EDIL3: variants seen among roughly 807,000 people sequenced by gnomAD.
EDIL3 encodes the protein EGF like and discoidin domains 3.
Under a neutral mutation model 67.4 loss-of-function variants are expected in EDIL3, and 37 were observed. The ratio of observed to expected loss-of-function variants is 0.55; its 90% confidence interval spans 0.42 to 0.72. The LOEUF (loss-of-function observed/expected upper bound fraction) is 0.72, where lower values mean the gene tolerates loss of function less well. Among genes scored for constraint, EDIL3 ranks in the 30% least tolerant of loss-of-function variants. EDIL3 has a pLI of 0.00. For synonymous variants in EDIL3, 195 were observed against 196.3 expected (o/e 0.99, Z 0.05); for missense variants, 527 against 586.3 (o/e 0.90, Z 1.04).
At chr5:84,143,271 T>C (rs1469599992) in intron 4 of EDIL3, among the ~76,000 whole-genome samples, 1 of 152,080 alleles carries the variant, frequency 6.6e-6, no homozygotes, top group Non-Finnish European at 1.5e-5. Context: ...GAACTCCCTT[T>C]TGATGTGGCT....
chr5:84,248,568 T>G (rs1206053412), intron 2 of EDIL3, among the ~76,000 whole-genome samples: 2 of 152,216 alleles, frequency 1.3e-5, no homozygotes, highest in African/African-American at 4.8e-5. Flanking sequence ...AATAACCATC[T>G]ATGTAATTAT....
At chr5:84,106,488 C>G (rs964451805) in intron 6 of EDIL3, among the ~76,000 whole-genome samples, 161 bp downstream of exon 6, 1 of 152,022 alleles carries the variant, frequency 6.6e-6, no homozygotes. Flanking sequence ...ATGTTTTTTA[C>G]TTCTCAGAAT....
intron 2 of EDIL3, among the ~76,000 whole-genome samples, chr5:84,231,093 G>A (rs756286692): frequency 3.3e-5 from 5 of 152,126 alleles, no homozygotes; most frequent in Non-Finnish European, 7.4e-5. Flanking sequence ...TTGTAGCCAG[G>A]ATTGAGGTAT....
Position 84,015,557 on chromosome 5 carries a change from C to T in EDIL3, c.1137+44743G>A, listed in dbSNP as rs147726797. On this transcript the variant is annotated intron_variant, in intron 9 of 10. Transcript: ENST00000296591. ...AGTTTTGTACAAAAGTGCATATTTC[C>T]TCAACAAAACTCTCAGTATTATATT... is the stretch of plus-strand genomic sequence containing the variant. 2.1e-3 allele frequency among the ~76,000 whole-genome samples: 319 copies of T among 152,008 alleles called. 1 individual carries two copies. Among genetic ancestry groups the T allele is most frequent in the African/African-American group, 7.5e-3 (311 of 41,472 alleles).
At chr5:84,164,893 C>T (rs915416386) in intron 4 of EDIL3, among the ~76,000 whole-genome samples, 1 of 151,926 alleles carries the variant, frequency 6.6e-6, no homozygotes, top group African/African-American at 2.4e-5. Context: ...AGTAGAAATC[C>T]TAGGAGCGTT....
chr5:84,269,897 C>G (rs1387597946), intron 1 of EDIL3, among the ~76,000 whole-genome samples: 1 of 152,140 alleles, frequency 6.6e-6, no homozygotes, highest in Non-Finnish European at 1.5e-5. Context: ...ACTCTTTATA[C>G]AGCAAATGAT....
intron 5 of EDIL3, among the ~76,000 whole-genome samples, chr5:84,109,620 T>A (rs778207758): frequency 6.6e-6 from 1 of 152,232 alleles, no homozygotes; most frequent in Non-Finnish European, 1.5e-5. Context: ...TTGCATGAGC[T>A]ATTTCATTGC....
intron 8 of EDIL3, among the ~76,000 whole-genome samples, chr5:84,061,408 G>GTAA (rs1746539384): frequency 6.6e-6 from 1 of 152,050 alleles, no homozygotes; most frequent in African/African-American, 2.4e-5. Context: ...TACAATTTTT[G>GTAA]TAATAGAAAG....
intron 6 of EDIL3, among the ~76,000 whole-genome samples, chr5:84,086,108 G>C (rs1747064781): frequency 6.6e-6 from 1 of 152,198 alleles, no homozygotes; most frequent in Non-Finnish European, 1.5e-5. Flanking sequence ...CATGGGAGTG[G>C]GACCTGCTGA....
rs1744751790 is a variant in EDIL3, at chr5:83,969,341, C to A, written c.1138-5981G>T. ...GCCACATATCTCTTCATTCCTACAG[C>A]ACAAATTCAAATAATTAAGGCTACT... On this transcript the variant is annotated intron_variant, in intron 9 of 10. Transcript: ENST00000296591. Among the ~76,000 whole-genome samples the A allele has an allele frequency of 2.6e-5, 4 of 151,668 alleles. No homozygotes were observed. In the South Asian group the frequency reaches 8.3e-4, roughly 32 times the overall value.
At chr5:84,370,004 A>G (rs2112210878) in intron 1 of EDIL3, among the ~76,000 whole-genome samples, 1 of 152,316 alleles carries the variant, frequency 6.6e-6, no homozygotes, top group East Asian at 1.9e-4. Flanking sequence ...CCAAACAACG[A>G]TAATTGCCAA....
In EDIL3 at chr5:84,144,681, C is replaced by G. The variant is rs73769743; in HGVS notation, c.356-7327G>C. Among the ~76,000 whole-genome samples the G allele has an allele frequency of 8.3e-3, 1,265 of 152,136 alleles. 19 individuals carry two copies. The highest frequency in any genetic ancestry group is 0.029 in the African/African-American group (1,216 of 41,526). On this transcript the variant is annotated intron_variant, in intron 4 of 10. Coordinates refer to ENST00000296591, the MANE Select transcript of EDIL3 (RefSeq NM_005711.5). The stretch of plus-strand genomic sequence containing the variant: ...CAGTTGTCTGCAGATCTAAGAGTGA[C>G]TCCTCATTGTCCCATAGTTCTTTTC...
intron 8 of EDIL3, 24 bp downstream of exon 8, chr5:84,064,676 A>G (rs753722657): frequency 8.7e-6 from 14 of 1,603,754 alleles, no homozygotes; most frequent in African/African-American, 1.3e-5. Context: ...AATAGAATAC[A>G]GAAATAGTTA....
intron 5 of EDIL3, among the ~76,000 whole-genome samples, chr5:84,115,264 C>A (rs1747644673): frequency 6.6e-6 from 1 of 152,142 alleles, no homozygotes; most frequent in Non-Finnish European, 1.5e-5. Context: ...TATAAAGTCA[C>A]AAATGCAATT....
In EDIL3 at chr5:84,091,069, C is replaced by T. The variant is rs114349430; in HGVS notation, c.651+15580G>A. Among the ~76,000 whole-genome samples, 997 of 152,294 alleles carry T rather than the reference C, an allele frequency of 6.5e-3. 11 individuals carry two copies. Among genetic ancestry groups the T allele is most frequent in the African/African-American group, 0.023 (949 of 41,554 alleles). On this transcript the variant is annotated intron_variant, in intron 6 of 10. Transcript: ENST00000296591. The stretch of plus-strand genomic sequence containing the variant: ...TCACTAACAGTGTCCACTGCTCCCC[C>T]TCAAAATAAAAGGGAACTACCAAGA...
intron 9 of EDIL3, among the ~76,000 whole-genome samples, chr5:84,056,993 CTT>C (rs909340390): frequency 2.6e-5 from 4 of 152,038 alleles, no homozygotes; most frequent in African/African-American, 9.7e-5. Context: ...ATTATATTCT[CTT>C]GAGGGGAAAA....
At chr5:84,352,597 C>T (rs114244712) in intron 1 of EDIL3, among the ~76,000 whole-genome samples, 2,606 of 152,104 alleles carry the variant, frequency 0.017, 67 homozygotes, top group African/African-American at 0.06. Flanking sequence ...TGGGTACACA[C>T]GGACATACAG....
intron 4 of EDIL3, among the ~76,000 whole-genome samples, chr5:84,177,022 T>A (rs245708): frequency 0.53 from 80,180 of 151,220 alleles, 21,393 homozygotes; most frequent in East Asian, 0.72. Context: ...GTTGGAGACC[T>A]TTTGAAGCTT....
intron 9 of EDIL3, among the ~76,000 whole-genome samples, chr5:83,976,317 A>G (rs757568657): frequency 2.6e-5 from 4 of 151,846 alleles, no homozygotes; most frequent in South Asian, 2.1e-4. Context: ...AACTGTCAAG[A>G]CTAATTCTGA....
Sources: gnomAD v4.1 joint callset for allele counts (sites outside exome capture counted in the v4.1 genomes callset) on GRCh38, gnomAD v4.1.1 for gene constraint, MANE v1.5 for transcripts, NCBI Gene and HGNC (gene_info 2026-07-23, HGNC 2026-07-21) for gene names.